The following UHRF1 variants were observed in gnomAD, a reference collection of about 807,000 sequenced individuals.
UHRF1 encodes the protein ubiquitin like with PHD and ring finger domains 1.
In UHRF1, 9 loss-of-function variants were observed where a neutral mutation model predicts 96.5. The ratio of observed to expected loss-of-function variants is 0.09; its 90% CI spans 0.06 to 0.16. UHRF1 has a LOEUF of 0.16. Among genes scored for constraint, UHRF1 ranks in the 10% least tolerant of loss-of-function variants. The pLI is 1.00. For synonymous variants in UHRF1, 455 were observed against 469.9 expected, an observed-to-expected ratio of 0.97 and a Z score of 0.41; for missense variants, 626 against 1,131.1, an observed-to-expected ratio of 0.55 and a Z score of 6.40.
chr19:4,948,967 C>CAA (rs55757803), intron 11 of UHRF1, among the ~76,000 whole-genome samples: 4,482 of 51,122 alleles, frequency 0.088, 182 homozygotes, highest in African/African-American at 0.11. Flanking sequence ...ACTAAGAATA[C>CAA]AAAAAAAAAA....
chr19:4,919,086 G>A lies in UHRF1; in HGVS notation c.153+8048G>A, dbSNP rs145167047. ...GTCTCCCAGGCTGGAGTGCAGCGGCGCGATCTCGACTCACTGCAACCCCTG... is the reference window on the plus strand; with the variant it reads ...GTCTCCCAGGCTGGAGTGCAGCGGCACGATCTCGACTCACTGCAACCCCTG... On this transcript the variant is annotated intron_variant, in intron 2 of 16. Coordinates refer to ENST00000650932, the MANE Select transcript of UHRF1 (RefSeq NM_001048201.3). Among the ~76,000 whole-genome samples the A allele has an allele frequency of 5.0e-3, 746 of 148,130 alleles. 3 individuals are homozygous for A. The highest frequency in any genetic ancestry group is 0.017 in the African/African-American group (683 of 39,984).
At chr19:4,937,809 G>T (rs1209274514) in intron 5 of UHRF1, among the ~76,000 whole-genome samples, 3 of 152,164 alleles carry the variant, frequency 2.0e-5, no homozygotes, top group Non-Finnish European at 4.4e-5. Context: ...GGAAGAGATT[G>T]TGTAAAATTT....
In UHRF1 at chr19:4,950,741, G is replaced by T; in HGVS notation, c.1648G>T (p.Ala550Ser). ...KGGKNSKYAPAEGNRYDGIYK... is the reference protein window; with the variant it reads ...KGGKNSKYAPSEGNRYDGIYK... ...TGGCAAGAATAGCAAGTACGCCCCCGCTGAGGGCAACCGCTACGATGGCAT... is the reference window on the plus strand; with the variant it reads ...TGGCAAGAATAGCAAGTACGCCCCCTCTGAGGGCAACCGCTACGATGGCAT... The change falls in exon 12 of 17, where the codon GCT becomes TCT. Residue 550 changes from alanine (A) to serine (S), a missense_variant. Physicochemically the swap from Ala to Ser is moderately conservative, Grantham distance 99 (BLOSUM62 1). This residue lies in a region of UHRF1 where 61 missense variants were observed against 199.2 expected (regional missense o/e 0.31). Coordinates refer to ENST00000650932, the MANE Select transcript of UHRF1 (RefSeq NM_001048201.3). 2 of 1,609,380 alleles carry T rather than the reference G, an allele frequency of 1.2e-6. No homozygotes were observed. Among genetic ancestry groups the T allele is most frequent in the Non-Finnish European group, 1.7e-6 (2 of 1,177,570 alleles).
chr19:4,911,143 C>T (rs1371215827), intron 2 of UHRF1, 105 bp downstream of exon 2: 8 of 1,118,532 alleles, frequency 7.2e-6, no homozygotes, highest in Non-Finnish European at 7.4e-6. Flanking sequence ...CCAACAACCT[C>T]GTCCGGTCCC....
intron 2 of UHRF1, among the ~76,000 whole-genome samples, chr19:4,927,280 C>T (rs2032901891): frequency 1.4e-5 from 2 of 146,324 alleles, no homozygotes. Context: ...ACTCAGGAGG[C>T]TGAGGCACAA....
intron 2 of UHRF1, among the ~76,000 whole-genome samples, chr19:4,916,321 C>T (rs1008652731): frequency 4.0e-5 from 6 of 151,504 alleles, no homozygotes; most frequent in African/African-American, 1.5e-4. Flanking sequence ...AAAAAAAAAC[C>T]AAATAAATTG....
chr19:4,956,521 T>G (rs2033860911), intron 15 of UHRF1, among the ~76,000 whole-genome samples, 188 bp from the exon 16 acceptor site: 3 of 152,188 alleles, frequency 2.0e-5, no homozygotes, highest in Non-Finnish European at 4.4e-5. Context: ...TGTTGGGGAC[T>G]TCAGGTGAGG....
rs529112769 is a variant in UHRF1, at chr19:4,931,085, G to A, written c.569+209G>A. 5.3e-5 allele frequency among the ~76,000 whole-genome samples: 8 copies of A among 152,302 alleles called. No homozygotes were observed. The South Asian group carries it at 6.2e-4, about 12-fold the overall frequency. On this transcript the variant is annotated intron_variant, in intron 4 of 16. Coordinates refer to ENST00000650932, the MANE Select transcript of UHRF1 (RefSeq NM_001048201.3). ...CGGCTGCCCCCTCCTGTGTCTCCGC[G>A]GAGGGTTCTGCTCGATCAGTGGCTG...
chr19:4,939,880 C>T (rs571852096), intron 5 of UHRF1, among the ~76,000 whole-genome samples: 7 of 152,160 alleles, frequency 4.6e-5, no homozygotes, highest in Admixed American at 1.3e-4. Context: ...AAAAATTAGC[C>T]AGGCGTGGTG....
Position 4,903,956 on chromosome 19 carries a change from C to G in UHRF1, c.-11+311C>G, listed in dbSNP as rs1321258688. 2.6e-5 allele frequency among the ~76,000 whole-genome samples: 4 copies of G among 152,098 alleles called. 1 individual carries two copies. ...TCTGAACATCGACACCATCAGGAAG[C>G]AGCAACTCCCTGCATGATTGACATT... On this transcript the variant is annotated intron_variant, in intron 1 of 16. Transcript: ENST00000612630.
At chr19:4,934,115 C>G (rs937298428) in intron 5 of UHRF1, among the ~76,000 whole-genome samples, 1 of 151,684 alleles carries the variant, frequency 6.6e-6, no homozygotes, top group African/African-American at 2.4e-5. Context: ...CCTCCGCCTT[C>G]CAGGTTCAGG....
rs2033890137 is a variant in UHRF1 at position 4,957,526 on chromosome 19, T to A, written c.2235+713T>A. On this transcript the variant is annotated intron_variant, in intron 16 of 16. Coordinates refer to ENST00000650932, the MANE Select transcript of UHRF1 (RefSeq NM_001048201.3). ...GGTTTCACCGTGTTAGCCAGGATGGTTTCGATCTCCTGACCTTGTCATCCA... is the reference window on the plus strand; with the variant it reads ...GGTTTCACCGTGTTAGCCAGGATGGATTCGATCTCCTGACCTTGTCATCCA... Among the ~76,000 whole-genome samples the A allele has an allele frequency of 3.3e-5, 5 of 152,102 alleles. No individual in the cohort carries two copies. In the South Asian group the frequency reaches 8.3e-4, roughly 25 times the overall value.
At position 4,910,948 on chromosome 19, in the gene UHRF1, G is replaced by T. The variant is rs546921059; in HGVS notation, c.63G>T (p.Arg21Ser). The T allele has an allele frequency of 6.2e-7, 1 of 1,613,652 alleles. No homozygotes were observed. Among genetic ancestry groups the T allele is most frequent in the East Asian group, 2.2e-5 (1 of 44,876 alleles). ...RQTHTVDSLS[R>S]LTKVEELRRK... ...CCCACACGGTGGACTCGCTGTCCAGGCTGACCAAGGTGGAGGAGCTGAGGC... is the reference window on the plus strand; with the variant it reads ...CCCACACGGTGGACTCGCTGTCCAGTCTGACCAAGGTGGAGGAGCTGAGGC... Residue 21 changes from arginine to serine, a missense_variant, in exon 2 of 17, where the codon AGG becomes AGT. By Grantham distance (110) the Arg-to-Ser change is moderately radical. This residue lies in a region of UHRF1 where 32 missense variants were observed against 46.8 expected (regional missense o/e 0.68). Transcript: ENST00000650932.
chr19:4,935,538 G>A (rs1185013858), intron 5 of UHRF1, among the ~76,000 whole-genome samples: 1 of 151,950 alleles, frequency 6.6e-6, no homozygotes, highest in Non-Finnish European at 1.5e-5. Flanking sequence ...TGAAGGATGG[G>A]GGCTTCATTT....
chr19:4,905,108 CTTTTTTTTTTTTT>C (rs61443004), upstream of UHRF1, among the ~76,000 whole-genome samples: 5 of 95,180 alleles, frequency 5.3e-5, no homozygotes, highest in South Asian at 3.3e-4. Context: ...CGTAAACTTT[CTTTTTTTTTTTTT>C]TTTTTTTTTT....
chr19:4,929,146 G>T, intron 2 of UHRF1, 76 bp from the exon 3 acceptor site: 1 of 1,533,300 alleles, frequency 6.5e-7, no homozygotes, highest in Non-Finnish European at 8.9e-7. Flanking sequence ...CACAGTGTTT[G>T]GTTCATCACT....
chr19:4,947,490 C>CT (rs985069179), intron 11 of UHRF1, among the ~76,000 whole-genome samples: 1,418 of 57,870 alleles, frequency 0.025, 271 homozygotes, highest in East Asian at 0.1. Flanking sequence ...TAATAGATAT[C>CT]TTTTTTTTTT....
At position 4,910,877 on chromosome 19, in the gene UHRF1, G is replaced by A. The variant is rs2261988; in HGVS notation, c.-9G>A. 6.2e-5 allele frequency: 99 copies of A among 1,604,238 alleles called. 1 individual carries two copies. The South Asian group carries it at 1.0e-3, about 17-fold the overall frequency. ...GGTTTTTGCTGTCCCTCCCCTCAGC[G>A]CCGACACCATGTGGATCCAGGTTCG... is the stretch of plus-strand genomic sequence containing the variant. On this transcript the variant is annotated splice_region_variant and 5_prime_UTR_variant, in exon 2 of 17. Coordinates refer to ENST00000650932, the MANE Select transcript of UHRF1 (RefSeq NM_001048201.3).
intron 2 of UHRF1, among the ~76,000 whole-genome samples, chr19:4,918,005 A>G (rs2032580049): frequency 6.6e-6 from 1 of 152,110 alleles, no homozygotes; most frequent in Admixed American, 6.6e-5. Context: ...AAATGTCCAA[A>G]AAGCAAGGAG....
Sources: allele counts gnomAD v4.1 joint callset (sites outside exome capture counted in the v4.1 genomes callset), GRCh38; gene constraint gnomAD v4.1.1; regional missense constraint gnomAD v4.1.1; transcripts MANE v1.5; gene names NCBI Gene and HGNC (gene_info 2026-07-23, HGNC 2026-07-21).